The following ST7L variants were observed in gnomAD, a reference collection of about 807,000 sequenced individuals.
ST7L encodes suppression of tumorigenicity 7 like.
In ST7L, 57 loss-of-function variants were observed where a neutral mutation model predicts 72.5. The ratio of observed to expected loss-of-function variants is 0.79; its 90% CI spans 0.64 to 0.98. ST7L has a LOEUF of 0.98. Ranked by LOEUF, ST7L falls within the 50% of genes least tolerant of loss-of-function variation. The probability of loss-of-function intolerance (pLI) is 0.00; values close to 1 mark genes in which losing one functional copy is unlikely to be tolerated. For missense variants in ST7L, 576 were observed against 672.2 expected (o/e 0.86, Z 1.58); for synonymous variants, 221 against 240.9 (o/e 0.92, Z 0.77).
rs532123764 is a variant in ST7L at position 112,551,587 on chromosome 1, A to G, written c.1397-894T>C. The stretch of plus-strand genomic sequence containing the variant: ...TTACATATTGGCTAAGGCTGTTTTC[A>G]TGTTACAAGAATCGAGTAGCTGTGA... On this transcript the variant is annotated intron_variant, in intron 12 of 14. Transcript: ENST00000358039. Among the ~76,000 whole-genome samples, 3 of 151,552 alleles carry G rather than the reference A, an allele frequency of 2.0e-5. No individual in the cohort carries two copies. The South Asian group carries it at 6.2e-4, about 31-fold the overall frequency.
At chr1:112,556,051 C>A in intron 11 of ST7L, 33 bp from the exon 12 acceptor site, 2 of 1,386,114 alleles carry the variant, frequency 1.4e-6, no homozygotes, top group East Asian at 2.6e-5. Context: ...CATATACACA[C>A]AACAGAAAAA....
intron 14 of ST7L, among the ~76,000 whole-genome samples, chr1:112,532,459 C>T (rs143576557): frequency 3.4e-4 from 52 of 152,278 alleles, no homozygotes; most frequent in Admixed American, 1.0e-3. Flanking sequence ...TAAATGAAGA[C>T]GAGAGCTGGC....
chr1:112,588,135 T>C (rs905399328), intron 6 of ST7L, among the ~76,000 whole-genome samples: 4 of 152,242 alleles, frequency 2.6e-5, no homozygotes, highest in Admixed American at 1.3e-4. Context: ...CTGATTTTCA[T>C]ATGTTGATTT....
chr1:112,616,309 T>C (rs1327239823), intron 2 of ST7L, among the ~76,000 whole-genome samples: 3 of 152,184 alleles, frequency 2.0e-5, no homozygotes, highest in Non-Finnish European at 2.9e-5. Context: ...TGTAAATAAA[T>C]ACTGTCAATC....
intron 3 of ST7L, 130 bp downstream of exon 3, chr1:112,610,711 G>T: frequency 3.6e-6 from 4 of 1,123,102 alleles, no homozygotes; most frequent in South Asian, 1.6e-5. Flanking sequence ...ACATCACATT[G>T]GTGATTAGAA....
chr1:112,542,064 T>C lies in ST7L; in HGVS notation c.1516A>G (p.Lys506Glu), dbSNP rs777788091. The C allele has an allele frequency of 6.8e-6, 11 of 1,611,386 alleles. No individual in the cohort carries two copies. The highest frequency in any genetic ancestry group is 8.5e-6 in the Non-Finnish European group (10 of 1,179,166). ...PTFHHVSVYPKKELPLFIHFT... is the reference protein window; with the variant it reads ...PTFHHVSVYPEKELPLFIHFT... ...TGGATGAACAAAGGAAGCTCCTTTTTTGGGTAAACAGAAACATGATGAAAG... is the reference window on the plus strand; with the variant it reads ...TGGATGAACAAAGGAAGCTCCTTTTCTGGGTAAACAGAAACATGATGAAAG... The change falls in exon 14 of 15, where the codon AAA (lysine) becomes GAA (glutamate). Residue 506 changes from lysine to glutamate, a missense_variant. Physicochemically the swap from Lys to Glu is moderately conservative, Grantham distance 56 (BLOSUM62 1). Coordinates refer to ENST00000358039, the MANE Select transcript of ST7L (RefSeq NM_017744.5).
intron 12 of ST7L, among the ~76,000 whole-genome samples, chr1:112,551,329 T>C (rs573415310): frequency 1.2e-3 from 180 of 152,040 alleles, no homozygotes; most frequent in African/African-American, 4.1e-3. Flanking sequence ...TTTGTATTTT[T>C]AGTAGAGGCG....
chr1:112,543,880 A>C (rs1204331040), intron 13 of ST7L, among the ~76,000 whole-genome samples: 2 of 151,678 alleles, frequency 1.3e-5, no homozygotes, highest in Admixed American at 6.6e-5. Context: ...AAAAAAAAAA[A>C]AAAAAAAAAA....
chr1:112,575,465 A>C (rs1483431801), intron 11 of ST7L, among the ~76,000 whole-genome samples: 1 of 152,204 alleles, frequency 6.6e-6, no homozygotes, highest in Non-Finnish European at 1.5e-5. Context: ...TCAATCTTGC[A>C]TTTGGGGTCA....
At chr1:112,582,675 C>A (rs1571162568) in intron 7 of ST7L, among the ~76,000 whole-genome samples, 1 of 152,038 alleles carries the variant, frequency 6.6e-6, no homozygotes, top group East Asian at 1.9e-4. Flanking sequence ...GCGCATGTTT[C>A]AAGTTTTCTG....
chr1:112,554,758 G>T (rs183119593), intron 12 of ST7L, among the ~76,000 whole-genome samples: 459 of 151,818 alleles, frequency 3.0e-3, no homozygotes, highest in African/African-American at 0.011. Context: ...CAGATGAATG[G>T]ATAAAAAAAA....
intron 2 of ST7L, among the ~76,000 whole-genome samples, chr1:112,611,355 T>G (rs752229974): frequency 5.3e-4 from 81 of 152,326 alleles, no homozygotes; most frequent in Non-Finnish European, 8.1e-4. Context: ...ATAATAAGCA[T>G]AGTGGATGAA....
chr1:112,610,944 T>A lies in ST7L; in HGVS notation c.348A>T (p.Val116=). The A allele has an allele frequency of 6.2e-7, 1 of 1,614,228 alleles. No homozygotes were observed. Among genetic ancestry groups the A allele is most frequent in the Non-Finnish European group, 8.5e-7 (1 of 1,180,040 alleles). Residue 116 remains valine (V), a synonymous_variant, in exon 3 of 15, where the codon GTA becomes GTT. Transcript: ENST00000358039. ...CTCCCATCAGTGGTTGCAAATGGCT[T>A]ACAGATACTTGCTCAATAAAAGATG... The part of the protein sequence containing the change: ...HGTSFIEQVS[V]SHLQPLMGGT...
rs1664264553 is a variant in ST7L at position 112,582,426 on chromosome 1, C to T, written c.903G>A (p.Met301Ile). The T allele has an allele frequency of 1.2e-6, 2 of 1,608,892 alleles. No homozygotes were observed. Among genetic ancestry groups the T allele is most frequent in the African/African-American group, 1.3e-5 (1 of 74,840 alleles). ...VLVYIKRRLAMCARKLGRIRE... is the reference protein window; with the variant it reads ...VLVYIKRRLAICARKLGRIRE... ...TTATTCTTCCTAATTTTCTTGCACA[C>T]ATTGCCAATCTTCTTTTAATATATA... The change falls in exon 8 of 15, where the codon ATG (methionine) becomes ATA (isoleucine). Residue 301 changes from methionine to isoleucine, a missense_variant. Physicochemically the swap from Met to Ile is conservative, Grantham distance 10. Coordinates refer to ENST00000358039, the MANE Select transcript of ST7L (RefSeq NM_017744.5).
chr1:112,539,458 C>A lies in ST7L; in HGVS notation c.1629+2493G>T, dbSNP rs923744047. Among the ~76,000 whole-genome samples the A allele has an allele frequency of 2.6e-5, 4 of 152,056 alleles. No homozygotes were observed. The East Asian group carries it at 7.7e-4, about 29-fold the overall frequency. Reference sequence around the variant, plus strand: ...ATCACTTGAGGTCAGAAGTTCGAGACCAGCCTGGCCAACATGGCAAAACCC... The same window carrying A: ...ATCACTTGAGGTCAGAAGTTCGAGAACAGCCTGGCCAACATGGCAAAACCC... On this transcript the variant is annotated intron_variant, in intron 14 of 14. Transcript: ENST00000358039.
rs143077733 is a variant in ST7L at position 112,581,264 on chromosome 1, C to G, written c.1069+728G>C. ...TGACACTCCAAAACAAATAAGGTAC[C>G]CCTACTATGTGCACAGCACCCATAC... On this transcript the variant is annotated intron_variant, in intron 9 of 14. Coordinates refer to ENST00000358039, the MANE Select transcript of ST7L (RefSeq NM_017744.5). Among the ~76,000 whole-genome samples, 156 of 152,246 alleles carry G rather than the reference C, an allele frequency of 1.0e-3. 1 individual carries two copies. Among genetic ancestry groups the G allele is most frequent in the Non-Finnish European group, 1.8e-3 (121 of 68,034 alleles).
intron 12 of ST7L, among the ~76,000 whole-genome samples, chr1:112,551,138 C>CTTTTTTTTTTTTTTTTTTTTTTTTTT (rs567601091): frequency 2.6e-5 from 2 of 77,206 alleles, no homozygotes; most frequent in African/African-American, 6.3e-5. Flanking sequence ...ATGAGCAGAT[C>CTTTTTTTTTTTTTTTTTTTTTTTTTT]TTTTTTTTTT....
intron 14 of ST7L, chr1:112,527,863 CTA>C (rs1247650379): frequency 3.3e-5 from 5 of 152,136 alleles, no homozygotes; most frequent in African/African-American, 7.2e-5. Flanking sequence ...AGGAATGTAA[CTA>C]TGAAGTAAAA....
chr1:112,518,700 A>G (rs932786608), downstream of ST7L, among the ~76,000 whole-genome samples: 7 of 152,148 alleles, frequency 4.6e-5, no homozygotes, highest in Non-Finnish European at 8.8e-5. Context: ...GGAACTTTGG[A>G]GTTAGGAGGG....
Sources: gnomAD v4.1 joint callset for allele counts (sites outside exome capture counted in the v4.1 genomes callset) on GRCh38, gnomAD v4.1.1 for gene constraint, MANE v1.5 for transcripts, NCBI Gene and HGNC (gene_info 2026-07-23, HGNC 2026-07-21) for gene names.